SYT1: variants seen among roughly 807,000 people sequenced by gnomAD.
The protein encoded by SYT1 is synaptotagmin-1.
Under a neutral mutation model 44.8 loss-of-function variants are expected in SYT1, and 8 were observed. The observed-to-expected ratio is 0.18, with a 90% CI of 0.10 to 0.32. The LOEUF is 0.32. Ranked by LOEUF, SYT1 falls within the 10% of genes least tolerant of loss-of-function variation. The pLI is 1.00. For missense variants in SYT1, 286 were observed against 509.3 expected, an observed-to-expected ratio of 0.56 and a Z score of 4.22; for synonymous variants, 154 against 188.8, an observed-to-expected ratio of 0.82 and a Z score of 1.51.
intron 3 of SYT1, among the ~76,000 whole-genome samples, chr12:79,104,592 A>G (rs750956261): frequency 8.6e-5 from 13 of 151,994 alleles, no homozygotes; most frequent in Non-Finnish European, 1.9e-4. Flanking sequence ...CCTTACACAC[A>G]TATTAATTTA....
rs563351919 is a variant in SYT1 at position 79,081,734 on chromosome 12, G to A, written c.-18+34372G>A. Among the ~76,000 whole-genome samples, 3 of 152,100 alleles carry A rather than the reference G, an allele frequency of 2.0e-5. No individual in the cohort carries two copies. In the South Asian group the frequency reaches 6.2e-4, roughly 32 times the overall value. Reference sequence around the variant, plus strand: ...AGGCCTATTCTGTATCTAGTCATTCGTCCTCATTTCTCTCTGTATTCCACA... The same window carrying A: ...AGGCCTATTCTGTATCTAGTCATTCATCCTCATTTCTCTCTGTATTCCACA... On this transcript the variant is annotated intron_variant, in intron 3 of 10. Transcript: ENST00000261205.
chr12:79,127,850 T>A (rs910970939), intron 3 of SYT1, among the ~76,000 whole-genome samples: 4 of 152,186 alleles, frequency 2.6e-5, no homozygotes, highest in Non-Finnish European at 4.4e-5. Context: ...TTGGAGAAGT[T>A]GATTAATATT....
intron 3 of SYT1, among the ~76,000 whole-genome samples, chr12:79,186,172 A>T (rs1872788905): frequency 2.0e-5 from 3 of 152,110 alleles, no homozygotes; most frequent in African/African-American, 7.2e-5. Flanking sequence ...TAAGTATAAA[A>T]TTTTTATGAG....
At chr12:79,198,166 C>T (rs1279950316) in intron 3 of SYT1, among the ~76,000 whole-genome samples, 1 of 152,080 alleles carries the variant, frequency 6.6e-6, no homozygotes, top group East Asian at 1.9e-4. Context: ...TTGATATTCT[C>T]AGCTCCTTAT....
chr12:78,943,488 G>A (rs1878494921), intron 1 of SYT1, among the ~76,000 whole-genome samples: 1 of 152,120 alleles, frequency 6.6e-6, no homozygotes, highest in African/African-American at 2.4e-5. Flanking sequence ...TCACTAGCTT[G>A]AGGACAATAC....
At chr12:79,071,407 C>T (rs1191926404) in intron 3 of SYT1, among the ~76,000 whole-genome samples, 1 of 152,066 alleles carries the variant, frequency 6.6e-6, no homozygotes, top group Non-Finnish European at 1.5e-5. Context: ...TAAATCTGTG[C>T]TAAAAGAGTA....
chr12:79,121,622 C>T lies in SYT1; in HGVS notation c.-18+74260C>T, dbSNP rs187856946. ...CCATAACCTGCTCCCATGCCCATTT[C>T]TTAGTGTGGGTATAAAGTCAGGCCA... On this transcript the variant is annotated intron_variant, in intron 3 of 10. Transcript: ENST00000261205. 1.5e-3 allele frequency among the ~76,000 whole-genome samples: 229 copies of T among 152,296 alleles called. 1 individual carries two copies. The highest frequency in any genetic ancestry group is 2.1e-3 in the Non-Finnish European group (144 of 68,012).
At chr12:79,434,453 C>T (rs1869974134) in intron 9 of SYT1, among the ~76,000 whole-genome samples, 1 of 151,958 alleles carries the variant, frequency 6.6e-6, no homozygotes, top group African/African-American at 2.4e-5. Flanking sequence ...TTATAAAGAC[C>T]CCCTCAAGTA....
rs370886492 is a variant in SYT1 at position 79,179,393 on chromosome 12, G to GATATAGATATAGATATAGAT, written c.-17-38106_-17-38105insAGATATAGATATAGATATAT. ...ATATAGATATAGATATATCGATATA[G>GATATAGATATAGATATAGAT]ATATCCATATAGATATAGATATAGA... On this transcript the variant is annotated intron_variant, in intron 3 of 10. Coordinates refer to ENST00000261205, the MANE Select transcript of SYT1 (RefSeq NM_005639.3). 2.2e-4 allele frequency among the ~76,000 whole-genome samples: 13 copies of GATATAGATATAGATATAGAT among 58,550 alleles called. 3 individuals are homozygous for GATATAGATATAGATATAGAT. Among genetic ancestry groups the GATATAGATATAGATATAGAT allele is most frequent in the African/African-American group, 1.3e-3 (12 of 9,432 alleles). The allele number at this position is 58,550 out of a possible 152,430, so 38.4% of individuals were successfully genotyped here.
intron 8 of SYT1, among the ~76,000 whole-genome samples, chr12:79,308,393 G>A (rs1448462190): frequency 5.3e-5 from 8 of 151,866 alleles, no homozygotes; most frequent in South Asian, 4.2e-4. Context: ...GTGTTGTGGC[G>A]CATGCCTGTA....
intron 3 of SYT1, among the ~76,000 whole-genome samples, chr12:79,074,276 C>A (rs987699602): frequency 6.6e-6 from 1 of 152,146 alleles, no homozygotes; most frequent in Non-Finnish European, 1.5e-5. Flanking sequence ...CTCACTCCTG[C>A]AGCCCTCATC....
intron 3 of SYT1, among the ~76,000 whole-genome samples, chr12:79,064,005 A>G (rs987049285): frequency 3.3e-5 from 5 of 152,186 alleles, no homozygotes; most frequent in East Asian, 3.9e-4. Flanking sequence ...TCTACTGGAC[A>G]TGAGCAAAAT....
Position 78,929,407 on chromosome 12 carries a change from CCCAAAAAAAAAAAAAA to C in SYT1, c.-216-48391_-216-48376del, listed in dbSNP as rs1342573898. 6.8e-3 allele frequency among the ~76,000 whole-genome samples: 100 copies of C among 14,676 alleles called. 2 individuals are homozygous for C. Among genetic ancestry groups the C allele is most frequent in the Middle Eastern group, 0.083 (1 of 12 alleles). 9.6% of individuals were successfully genotyped at this position (14,676 alleles called of 152,430 possible). On this transcript the variant is annotated intron_variant, in intron 1 of 10. Transcript: ENST00000261205. ...CCTGGGTGACAGAGAGAGACTCCGTCCCAAAAAAAAAAAAAAAAAAAAAAAAAAAAAAAAAAAAAGG... is the reference window on the plus strand; with the variant it reads ...CCTGGGTGACAGAGAGAGACTCCGTCAAAAAAAAAAAAAAAAAAAAAAAGG...
chr12:79,255,959 CATAA>C (rs1877489846), intron 4 of SYT1, among the ~76,000 whole-genome samples: 1 of 152,116 alleles, frequency 6.6e-6, no homozygotes, highest in Admixed American at 6.5e-5. Flanking sequence ...AATGTGTAAT[CATAA>C]ATTAATTACC....
At chr12:79,271,333 T>C (rs1878414449) in intron 4 of SYT1, among the ~76,000 whole-genome samples, 1 of 152,096 alleles carries the variant, frequency 6.6e-6, no homozygotes. Flanking sequence ...CATCCGAGAG[T>C]TATATTTTTA....
intron 2 of SYT1, among the ~76,000 whole-genome samples, chr12:79,045,257 G>A (rs563794849): frequency 6.7e-4 from 102 of 152,312 alleles, no homozygotes; most frequent in African/African-American, 2.4e-3. Context: ...AGACTGCTGT[G>A]CTAGCAATCA....
intron 4 of SYT1, among the ~76,000 whole-genome samples, chr12:79,274,407 A>G (rs528108984): frequency 5.8e-4 from 89 of 152,208 alleles, no homozygotes; most frequent in African/African-American, 2.1e-3. Flanking sequence ...GGGGCATGAG[A>G]GCTGAGTGGG....
At chr12:78,977,589 A>T (rs1868940467) in intron 1 of SYT1, 1 of 152,198 alleles carries the variant, frequency 6.6e-6, no homozygotes, top group Non-Finnish European at 1.5e-5. Flanking sequence ...AGATTTTTTT[A>T]AAATGTCAGC....
intron 4 of SYT1, among the ~76,000 whole-genome samples, chr12:79,263,315 T>G (rs1177845608): frequency 1.3e-5 from 2 of 151,984 alleles, no homozygotes; most frequent in South Asian, 4.2e-4. Context: ...TTTTCTTTCT[T>G]TCTGCCTAAT....
Sources: gnomAD v4.1 joint callset for allele counts (sites outside exome capture counted in the v4.1 genomes callset) on GRCh38, gnomAD v4.1.1 for gene constraint, MANE v1.5 for transcripts, NCBI Gene and HGNC (gene_info 2026-07-23, HGNC 2026-07-21) for gene names.